Variants in ATXN1 observed in about 807,000 individuals in gnomAD.
The protein encoded by ATXN1 is ataxin-1.
A neutral mutation model predicts 56.4 loss-of-function variants in ATXN1; 8 were observed. The observed-to-expected ratio is 0.14, with a 90% confidence interval of 0.08 to 0.26. ATXN1 has a LOEUF of 0.26. Ranked by LOEUF, ATXN1 falls within the 10% of genes least tolerant of loss-of-function variation. The pLI, the probability that ATXN1 is intolerant of heterozygous loss-of-function variation, is 1.00. For synonymous variants in ATXN1, 514 were observed against 494.6 expected (o/e 1.04, Z -0.52); for missense variants, 987 against 1,106.5 (o/e 0.89, Z 1.53).
intron 6 of ATXN1, among the ~76,000 whole-genome samples, chr6:16,450,920 T>C (rs1044776805): frequency 2.0e-5 from 3 of 152,124 alleles, no homozygotes; most frequent in Admixed American, 6.5e-5. Context: ...ACCTGATCCA[T>C]GAGGATTAAA....
At chr6:16,685,413 G>A (rs1252695747) in intron 2 of ATXN1, among the ~76,000 whole-genome samples, 1 of 152,080 alleles carries the variant, frequency 6.6e-6, no homozygotes, top group African/African-American at 2.4e-5. Flanking sequence ...TAACTAGTGA[G>A]GGCATCTTAG....
At chr6:16,601,695 C>CA (rs1386889979) in intron 3 of ATXN1, among the ~76,000 whole-genome samples, 5 of 151,966 alleles carry the variant, frequency 3.3e-5, no homozygotes, top group African/African-American at 4.8e-5. Flanking sequence ...CTAAAAAATA[C>CA]AAAAAATATT....
intron 3 of ATXN1, among the ~76,000 whole-genome samples, chr6:16,600,026 C>A (rs1187020767): frequency 6.6e-6 from 1 of 152,160 alleles, no homozygotes; most frequent in Non-Finnish European, 1.5e-5. Context: ...TGGTTCATTG[C>A]GTCTTTTTTC....
intron 6 of ATXN1, among the ~76,000 whole-genome samples, chr6:16,401,069 C>CTTATTTAA (rs1758559977): frequency 6.6e-6 from 1 of 152,186 alleles, no homozygotes; most frequent in South Asian, 2.1e-4. Flanking sequence ...TGTCCAGTGT[C>CTTATTTAA]CTTACATTAA....
At chr6:16,322,155 T>C (rs1760669799) in intron 7 of ATXN1, among the ~76,000 whole-genome samples, 1 of 151,988 alleles carries the variant, frequency 6.6e-6, no homozygotes, top group Non-Finnish European at 1.5e-5. Flanking sequence ...GTCCAGGAGG[T>C]TGAGGCTGCA....
intron 2 of ATXN1, among the ~76,000 whole-genome samples, chr6:16,669,375 T>C (rs1452572406): frequency 3.9e-5 from 6 of 152,210 alleles, no homozygotes; most frequent in Admixed American, 3.9e-4. Context: ...TATACATCAC[T>C]CTTGGTGGAA....
chr6:16,473,080 G>C (rs557334458), intron 6 of ATXN1, among the ~76,000 whole-genome samples: 1 of 152,054 alleles, frequency 6.6e-6, no homozygotes, highest in African/African-American at 2.4e-5. Context: ...AGGAATGAAG[G>C]CTGCCTGCCC....
At chr6:16,360,798 C>T (rs931781480) in intron 6 of ATXN1, among the ~76,000 whole-genome samples, 1 of 152,164 alleles carries the variant, frequency 6.6e-6, no homozygotes, top group Non-Finnish European at 1.5e-5. Context: ...GGAGAAAACA[C>T]ACACACAAGC....
chr6:16,402,976 G>A (rs1460523898), intron 6 of ATXN1, among the ~76,000 whole-genome samples: 1 of 152,210 alleles, frequency 6.6e-6, no homozygotes, highest in Non-Finnish European at 1.5e-5. Flanking sequence ...TTTTAACCCA[G>A]TCTGAATTCA....
intron 6 of ATXN1, among the ~76,000 whole-genome samples, chr6:16,354,264 A>ATT (rs938841076): frequency 1.4e-5 from 2 of 146,524 alleles, no homozygotes; most frequent in African/African-American, 5.0e-5. Context: ...TATTTCACTT[A>ATT]TTTTTTTTTT....
chr6:16,618,012 T>C (rs1763251016), intron 3 of ATXN1, among the ~76,000 whole-genome samples: 1 of 151,430 alleles, frequency 6.6e-6, no homozygotes, highest in African/African-American at 2.4e-5. Flanking sequence ...TAAATAGTTA[T>C]CTGACCCTAG....
intron 2 of ATXN1, among the ~76,000 whole-genome samples, chr6:16,741,011 A>G (rs1192248277): frequency 1.1e-4 from 17 of 152,236 alleles, no homozygotes; most frequent in Admixed American, 1.1e-3. Flanking sequence ...GGAAACGCAA[A>G]TAATTTCTGG....
intron 2 of ATXN1, among the ~76,000 whole-genome samples, chr6:16,715,328 G>A (rs1345077453): frequency 6.6e-6 from 1 of 152,158 alleles, no homozygotes; most frequent in Admixed American, 6.5e-5. Context: ...TCTTACAGCT[G>A]AGGTATGTTA....
At chr6:16,597,017 G>A (rs532648158) in intron 3 of ATXN1, among the ~76,000 whole-genome samples, 129 of 152,244 alleles carry the variant, frequency 8.5e-4, no homozygotes, top group Admixed American at 2.2e-3. Flanking sequence ...CCTGCAGGGC[G>A]CAGGGTGTCC....
intron 6 of ATXN1, among the ~76,000 whole-genome samples, chr6:16,406,174 A>G (rs1473577518): frequency 6.6e-6 from 1 of 152,080 alleles, no homozygotes; most frequent in Non-Finnish European, 1.5e-5. Flanking sequence ...ACTTTCCTTC[A>G]TTAAGTTAAA....
intron 6 of ATXN1, among the ~76,000 whole-genome samples, chr6:16,342,998 A>T (rs1166147577): frequency 6.6e-6 from 1 of 152,178 alleles, no homozygotes; most frequent in Non-Finnish European, 1.5e-5. Flanking sequence ...AATGATTAAG[A>T]TGGTAAATTT....
chr6:16,700,000 G>A (rs1300036496), intron 2 of ATXN1, among the ~76,000 whole-genome samples: 2 of 152,142 alleles, frequency 1.3e-5, no homozygotes, highest in African/African-American at 2.4e-5. Flanking sequence ...TCCGCTGAAT[G>A]AAAAGAAAAG....
In ATXN1 at chr6:16,327,842, T is replaced by G. The variant is rs1039355942; in HGVS notation, c.469A>C (p.Ser157Arg). Reference protein sequence around the residue: ...LIPPTANPVTSAVASAAGATT... With the variant: ...LIPPTANPVTRAVASAAGATT... ...GCCCCTGCGGCCGAGGCCACTGCACTGGTGACGGGGTTGGCGGTTGGGGGG... is the reference window on the plus strand; with the variant it reads ...GCCCCTGCGGCCGAGGCCACTGCACGGGTGACGGGGTTGGCGGTTGGGGGG... Residue 157 changes from serine to arginine, a missense_variant, in exon 7 of 8, where the codon AGT (serine) becomes CGT (arginine). By Grantham distance (110) the Ser-to-Arg change is moderately radical. Coordinates refer to ENST00000436367, the MANE Select transcript of ATXN1 (RefSeq NM_001128164.2). 46 of 1,608,310 alleles carry G rather than the reference T, an allele frequency of 2.9e-5. No individual in the cohort carries two copies. Among genetic ancestry groups the G allele is most frequent in the Admixed American group, 5.0e-5 (3 of 60,012 alleles).
intron 3 of ATXN1, among the ~76,000 whole-genome samples, chr6:16,593,039 C>T (rs902468435): frequency 7.2e-5 from 11 of 152,284 alleles, no homozygotes; most frequent in African/African-American, 1.9e-4. Context: ...TTTTACAAAT[C>T]TCTTGCTAGC....
Sources: gnomAD v4.1 joint callset for allele counts (sites outside exome capture counted in the v4.1 genomes callset) on GRCh38, gnomAD v4.1.1 for gene constraint, MANE v1.5 for transcripts, NCBI Gene and HGNC (gene_info 2026-07-23, HGNC 2026-07-21) for gene names.